ASCC3: variants seen among roughly 807,000 people sequenced by gnomAD.
ASCC3 encodes activating signal cointegrator 1 complex subunit 3, also known as ASC-1 complex subunit P200.
Under a neutral mutation model 256.3 loss-of-function variants are expected in ASCC3, and 158 were observed. That is an observed-to-expected ratio of 0.62 (90% CI 0.54 to 0.70). ASCC3 has a LOEUF of 0.70. Ranked by LOEUF, ASCC3 falls within the 30% of genes least tolerant of loss-of-function variation. The pLI, the probability that ASCC3 is intolerant of heterozygous loss-of-function variation, is 0.00. For missense variants in ASCC3, 2,259 were observed against 2,626.0 expected (o/e 0.86, Z 3.05); for synonymous variants, 948 against 883.4 (o/e 1.07, Z -1.30).
intron 19 of ASCC3, among the ~76,000 whole-genome samples, chr6:100,651,213 T>A (rs1006157111): frequency 2.6e-5 from 4 of 151,894 alleles, no homozygotes. Context: ...TTAATACAGG[T>A]ACAGAAATAC....
intron 22 of ASCC3, among the ~76,000 whole-genome samples, chr6:100,645,887 A>T (rs1452649239): frequency 6.6e-6 from 1 of 152,204 alleles, no homozygotes; most frequent in Non-Finnish European, 1.5e-5. Flanking sequence ...AAATCTATTT[A>T]TTATGGCAAC....
chr6:100,535,714 G>A (rs908956959), intron 37 of ASCC3, among the ~76,000 whole-genome samples: 22 of 151,878 alleles, frequency 1.4e-4, no homozygotes, highest in African/African-American at 4.8e-4. Context: ...TGATCCACCT[G>A]GCTTGGCCTC....
chr6:100,652,428 T>G (rs1013803936), intron 18 of ASCC3, among the ~76,000 whole-genome samples: 2 of 152,158 alleles, frequency 1.3e-5, no homozygotes, highest in Non-Finnish European at 2.9e-5. Context: ...GGAAAGTTAG[T>G]AAGCACATGA....
At chr6:100,871,418 G>A (rs552287533) in intron 1 of ASCC3, among the ~76,000 whole-genome samples, 201 of 151,628 alleles carry the variant, frequency 1.3e-3, no homozygotes, top group African/African-American at 4.8e-3. Flanking sequence ...TTAAATCACC[G>A]CTTAATTTTG....
At chr6:100,779,522 G>A (rs777038474) in intron 8 of ASCC3, among the ~76,000 whole-genome samples, 2 of 152,092 alleles carry the variant, frequency 1.3e-5, no homozygotes, top group Non-Finnish European at 2.9e-5. Context: ...TCTCTCTGAG[G>A]ATAAACCTAA....
rs151278984 is a variant in ASCC3, at chr6:100,623,050, C to T, written c.4785+2142G>A. On this transcript the variant is annotated intron_variant, in intron 30 of 41. Coordinates refer to ENST00000369162, the MANE Select transcript of ASCC3 (RefSeq NM_006828.4). ...TCCATTTGGAAGACTTTTAGGATAA[C>T]ATATAAAATAAAATTAAGCCTAGAG... Among the ~76,000 whole-genome samples the T allele has an allele frequency of 8.5e-5, 13 of 152,140 alleles. No homozygotes were observed. In the East Asian group the frequency reaches 2.3e-3, roughly 27 times the overall value.
At chr6:100,588,826 G>A (rs1215085039) in intron 36 of ASCC3, among the ~76,000 whole-genome samples, 1 of 152,022 alleles carries the variant, frequency 6.6e-6, no homozygotes, top group African/African-American at 2.4e-5. Flanking sequence ...AAGTTACTAA[G>A]TGAACTACCA....
intron 20 of ASCC3, among the ~76,000 whole-genome samples, chr6:100,647,930 T>C (rs1019467432): frequency 2.0e-5 from 3 of 152,156 alleles, no homozygotes; most frequent in Non-Finnish European, 4.4e-5. Flanking sequence ...TAGCTACTCA[T>C]ATGAAAGGGC....
In ASCC3 at chr6:100,605,579, T is replaced by G; in HGVS notation, c.5166A>C (p.Pro1722=). Residue 1722 remains proline, a synonymous_variant, in exon 33 of 42, where the codon CCA becomes CCC. Coordinates refer to ENST00000369162, the MANE Select transcript of ASCC3 (RefSeq NM_006828.4). ...FYKKFLYEPF[P]VESSLLGVLS... is the part of the protein sequence containing the mutation. ...TAAATAAGATTTACCTTGATTCTAC[T>G]GGGAAAGGTTCATAAAGAAATTTTT... 1 of 1,508,014 alleles carries G rather than the reference T, an allele frequency of 6.6e-7. No homozygotes were observed. Among genetic ancestry groups the G allele is most frequent in the Non-Finnish European group, 9.2e-7 (1 of 1,084,290 alleles). The allele number at this position is 1,508,014 out of a possible 1,614,324, so 93.4% of individuals were successfully genotyped here. A position where few individuals can be genotyped will look rare whatever the true frequency, so the allele number is the denominator to read the frequency against.
At chr6:100,707,952 T>C (rs906084564) in intron 13 of ASCC3, among the ~76,000 whole-genome samples, 8 of 152,066 alleles carry the variant, frequency 5.3e-5, no homozygotes, top group Admixed American at 2.0e-4. Context: ...ACCACCACTT[T>C]CCCCCAAACC....
chr6:100,802,948 C>T (rs920405059), intron 5 of ASCC3, among the ~76,000 whole-genome samples: 1 of 152,056 alleles, frequency 6.6e-6, no homozygotes, highest in Non-Finnish European at 1.5e-5. Context: ...GTTGAGGCTG[C>T]AGTGATCCCT....
chr6:100,605,649 C>A lies in ASCC3; in HGVS notation c.5096G>T (p.Gly1699Val). Residue 1699 changes from glycine to valine, a missense_variant, in exon 33 of 42, where the codon GGC becomes GTC. Physicochemically the swap from Gly to Val is moderately radical, Grantham distance 109 (BLOSUM62 -3). Coordinates refer to ENST00000369162, the MANE Select transcript of ASCC3 (RefSeq NM_006828.4). The stretch of plus-strand genomic sequence containing the variant: ...GTCATGAACTAGAATTACAGCTTTG[C>A]CTTGGTCATCGAACTGCGGCCTCCC... ...RAGRPQFDDQ[G>V]KAVILVHDIK... The A allele has an allele frequency of 6.2e-7, 1 of 1,611,450 alleles. No individual in the cohort carries two copies. The highest frequency in any genetic ancestry group is 8.5e-7 in the Non-Finnish European group (1 of 1,177,866).
chr6:100,618,859 C>T (rs373511711), intron 30 of ASCC3, among the ~76,000 whole-genome samples: 42 of 152,268 alleles, frequency 2.8e-4, no homozygotes, highest in Middle Eastern at 3.4e-3. Flanking sequence ...TTACTGAATG[C>T]CTTATACATC....
At chr6:100,632,645 C>T (rs948466591) in intron 25 of ASCC3, among the ~76,000 whole-genome samples, 7 of 152,052 alleles carry the variant, frequency 4.6e-5, no homozygotes, top group African/African-American at 1.4e-4. Flanking sequence ...ACCAGTGGAA[C>T]AGAAAAGAGC....
chr6:100,512,860 G>T lies in ASCC3; in HGVS notation c.6134C>A (p.Ser2045Ter). Residue 2045 changes from serine (S) to a stop codon, truncating the protein, a stop_gained, in exon 40 of 42, where the codon TCG becomes TAG. Transcript: ENST00000369162. LOFTEE classifies it high-confidence loss of function. ...VINVGISVKG[S>*]WDDLVEGHNE... Reference sequence around the variant, plus strand: ...ATGTCCTTCAACTAAGTCATCCCACGAGCCTTTAACACTTATGCCAACATT... The same window carrying T: ...ATGTCCTTCAACTAAGTCATCCCACTAGCCTTTAACACTTATGCCAACATT... 1 of 1,614,032 alleles carries T rather than the reference G, an allele frequency of 6.2e-7. No individual in the cohort carries two copies. Among genetic ancestry groups the T allele is most frequent in the Non-Finnish European group, 8.5e-7 (1 of 1,179,986 alleles).
intron 37 of ASCC3, chr6:100,530,911 T>C: frequency 2.3e-6 from 3 of 1,308,854 alleles, no homozygotes; most frequent in East Asian, 2.3e-5. Context: ...CAAAAGACAC[T>C]TGGAATCTTC....
chr6:100,597,565 C>A (rs1772362236), intron 34 of ASCC3, among the ~76,000 whole-genome samples: 2 of 151,832 alleles, frequency 1.3e-5, no homozygotes, highest in Non-Finnish European at 2.9e-5. Context: ...TACATGGCAA[C>A]AGCTTGGGCA....
At chr6:100,812,941 G>C (rs1161754554) in intron 4 of ASCC3, among the ~76,000 whole-genome samples, 2 of 125,910 alleles carry the variant, frequency 1.6e-5, no homozygotes, top group Admixed American at 1.7e-4. Context: ...AAATTGAATG[G>C]ATGGATGGAT....
At chr6:100,524,189 A>G (rs377347057) in intron 37 of ASCC3, among the ~76,000 whole-genome samples, 13 of 152,234 alleles carry the variant, frequency 8.5e-5, no homozygotes, top group Middle Eastern at 3.4e-3. Context: ...TGATTTCTGC[A>G]TATTCTGTCT....
Sources: allele counts gnomAD v4.1 joint callset (sites outside exome capture counted in the v4.1 genomes callset), GRCh38; gene constraint gnomAD v4.1.1; transcripts MANE v1.5; gene names NCBI Gene and HGNC (gene_info 2026-07-23, HGNC 2026-07-21).